ITSN2: variants seen among roughly 807,000 people sequenced by gnomAD.
ITSN2 encodes the protein intersectin 2, also known as intersectin-2.
A neutral mutation model predicts 243.7 loss-of-function variants in ITSN2; 156 were observed. That is an observed-to-expected ratio of 0.64 (90% CI 0.56 to 0.73). The LOEUF is 0.73. Ranked by LOEUF, ITSN2 falls within the 30% of genes least tolerant of loss-of-function variation. The pLI is 0.00. For synonymous variants in ITSN2, 703 were observed against 699.9 expected (o/e 1.00, Z -0.07); for missense variants, 1,801 against 1,996.1 (o/e 0.90, Z 1.86).
At chr2:24,333,200 T>C (rs915372960) in intron 1 of ITSN2, among the ~76,000 whole-genome samples, 3 of 152,198 alleles carry the variant, frequency 2.0e-5, no homozygotes, top group African/African-American at 7.2e-5. Flanking sequence ...CTTCCTCTCT[T>C]AAATGGAGAT....
In ITSN2 at chr2:24,300,492, C is replaced by T. The variant is rs372098917; in HGVS notation, c.1082-321G>A. Among the ~76,000 whole-genome samples, 37 of 152,160 alleles carry T rather than the reference C, an allele frequency of 2.4e-4. No homozygotes were observed. In the East Asian group the frequency reaches 6.2e-3, roughly 25 times the overall value. ...CAACACTTTGGGAGGCCAAGGTGGG[C>T]GGATCACCTGAGGTCAGCAGTTCAA... On this transcript the variant is annotated intron_variant, in intron 11 of 39. Coordinates refer to ENST00000355123, the MANE Select transcript of ITSN2 (RefSeq NM_006277.3).
At chr2:24,229,466 G>A (rs1205818006) in intron 29 of ITSN2, among the ~76,000 whole-genome samples, 1 of 152,100 alleles carries the variant, frequency 6.6e-6, no homozygotes, top group East Asian at 1.9e-4. Context: ...ACAGGCGCCT[G>A]TAATCCCAAC....
intron 23 of ITSN2, among the ~76,000 whole-genome samples, chr2:24,255,798 C>T (rs1674952560): frequency 6.6e-6 from 1 of 152,156 alleles, no homozygotes; most frequent in Non-Finnish European, 1.5e-5. Context: ...GCCTGTAATC[C>T]CAGCACTTTG....
At chr2:24,267,344 C>A (rs9309253) in intron 20 of ITSN2, among the ~76,000 whole-genome samples, 2 of 150,998 alleles carry the variant, frequency 1.3e-5, no homozygotes, top group East Asian at 1.9e-4. Flanking sequence ...TGTAACAAAC[C>A]TGCACGTTCT....
intron 24 of ITSN2, 52 bp from the exon 25 acceptor site, chr2:24,252,563 G>C (rs768386087): frequency 6.6e-6 from 9 of 1,366,958 alleles, no homozygotes; most frequent in Non-Finnish European, 9.1e-6. Flanking sequence ...GATTACAGAA[G>C]TGAAAAAGAA....
chr2:24,301,893 T>C, intron 10 of ITSN2, 72 bp downstream of exon 10: 1 of 1,375,880 alleles, frequency 7.3e-7, no homozygotes. Context: ...GCAGTGCAAA[T>C]ATTTAACTCT....
rs1254694422 is a variant in ITSN2 at position 24,245,167 on chromosome 2, A to G, written c.3577+962T>C. 3.3e-5 allele frequency among the ~76,000 whole-genome samples: 5 copies of G among 152,192 alleles called. No homozygotes were observed. In the East Asian group the frequency reaches 7.7e-4, roughly 23 times the overall value. ...ATTACTAATGCTATATTTACTGTCA[A>G]CCAAAAGAACGGCTAGATAAATACA... On this transcript the variant is annotated intron_variant, in intron 29 of 39. Coordinates refer to ENST00000355123, the MANE Select transcript of ITSN2 (RefSeq NM_006277.3).
In ITSN2 at chr2:24,328,062, T is replaced by A; in HGVS notation, c.21A>T (p.Thr7=). 2.5e-6 allele frequency: 4 copies of A among 1,613,822 alleles called. No homozygotes were observed. Among genetic ancestry groups the A allele is most frequent in the Non-Finnish European group, 3.4e-6 (4 of 1,179,904 alleles). ...CACAAAGCTGCTTACCATTCATAGC[T>A]GTGGGAAACTGAGCCATCATGGTCC... MMAQFP[T]AMNGGPNMWA... The change falls in exon 2 of 40, where the codon ACA becomes ACT. Residue 7 remains threonine, a synonymous_variant. Transcript: ENST00000355123.
chr2:24,317,498 T>C (rs181549912), intron 2 of ITSN2, among the ~76,000 whole-genome samples: 1 of 152,330 alleles, frequency 6.6e-6, no homozygotes, highest in East Asian at 1.9e-4. Context: ...AAGCTGCAAG[T>C]TGCTGGTGTT....
At chr2:24,266,220 C>G (rs1676641984) in intron 20 of ITSN2, among the ~76,000 whole-genome samples, 1 of 152,128 alleles carries the variant, frequency 6.6e-6, no homozygotes, top group Admixed American at 6.5e-5. Flanking sequence ...TGAAATTTAT[C>G]ATGTTATATT....
chr2:24,329,684 T>C (rs529573327), intron 1 of ITSN2, among the ~76,000 whole-genome samples: 96 of 152,292 alleles, frequency 6.3e-4, no homozygotes, highest in Non-Finnish European at 1.1e-3. Context: ...ACTACTATAT[T>C]AAAAGATCAT....
intron 34 of ITSN2, chr2:24,210,441 A>G (rs1326099334): frequency 1.4e-5 from 4 of 286,118 alleles, no homozygotes; most frequent in Non-Finnish European, 2.6e-5. Flanking sequence ...GTGAAACCCC[A>G]GCTCTACTAA....
In ITSN2 at chr2:24,211,342, T is replaced by G. The variant is rs1401002772; in HGVS notation, c.4090-395A>C. Reference sequence around the variant, plus strand: ...GTGTGAACTTGCTGAATAGCAATGGTTCATAACAATTTTGGGGTCACTGAT... The same window carrying G: ...GTGTGAACTTGCTGAATAGCAATGGGTCATAACAATTTTGGGGTCACTGAT... On this transcript the variant is annotated intron_variant, in intron 33 of 39. Coordinates refer to ENST00000355123, the MANE Select transcript of ITSN2 (RefSeq NM_006277.3). The surrounding 1 kb of genome is among the most constrained non-coding windows in gnomAD (Gnocchi z 4.1). Among the ~76,000 whole-genome samples, 1 of 152,176 alleles carries G rather than the reference T, an allele frequency of 6.6e-6. No homozygotes were observed. Among genetic ancestry groups the G allele is most frequent in the African/African-American group, 2.4e-5 (1 of 41,426 alleles).
At position 24,337,331 on chromosome 2, in the gene ITSN2, T is replaced by TATATATATATATAC. The variant is rs1686529270; in HGVS notation, c.-33-9217_-33-9216insGTATATATATATAT. On this transcript the variant is annotated intron_variant, in intron 1 of 39. Transcript: ENST00000355123. The stretch of plus-strand genomic sequence containing the variant: ...TATACACAAAATATATATATATATA[T>TATATATATATATAC]ATATATATATATATATATATATGTA... Among the ~76,000 whole-genome samples, 2 of 3,054 alleles carry TATATATATATATAC rather than the reference T, an allele frequency of 6.5e-4. 1 individual carries two copies. The highest frequency in any genetic ancestry group is 2.0e-3 in the African/African-American group (2 of 1,014). 2.0% of individuals were successfully genotyped at this position (3,054 alleles called of 152,430 possible). A position where few individuals can be genotyped will look rare whatever the true frequency, so the allele number is the denominator to read the frequency against.
chr2:24,205,057 G>C (rs374327067), intron 38 of ITSN2, among the ~76,000 whole-genome samples, 157 bp downstream of exon 38: 1 of 152,134 alleles, frequency 6.6e-6, no homozygotes, highest in African/African-American at 2.4e-5. Context: ...TAAGCCTTGA[G>C]AATCACTTGT....
At position 24,260,462 on chromosome 2, in the gene ITSN2, GA is replaced by G. The variant is rs1164336060; in HGVS notation, c.2682+643del. Among the ~76,000 whole-genome samples, 774 of 86,636 alleles carry G rather than the reference GA, an allele frequency of 8.9e-3. 4 individuals carry two copies. Among genetic ancestry groups the G allele is most frequent in the African/African-American group, 0.024 (555 of 23,300 alleles). The allele number at this position is 86,636 out of a possible 152,430, so 56.8% of individuals were successfully genotyped here. ...TTCTAACGTTCCCAAATAACTTTAAGAAAAAAAAAAAAAAACCGTCAAGCCC... is the reference window on the plus strand; with the variant it reads ...TTCTAACGTTCCCAAATAACTTTAAGAAAAAAAAAAAAAACCGTCAAGCCC... On this transcript the variant is annotated intron_variant, in intron 22 of 39. Transcript: ENST00000355123.
At chr2:24,216,748 C>A (rs1669990669) in intron 31 of ITSN2, among the ~76,000 whole-genome samples, 1 of 151,340 alleles carries the variant, frequency 6.6e-6, no homozygotes, top group Non-Finnish European at 1.5e-5. Flanking sequence ...CAGAGTGAGA[C>A]CTTGCCTCTA....
chr2:24,341,886 G>A (rs1296798453), intron 1 of ITSN2, among the ~76,000 whole-genome samples: 1 of 152,072 alleles, frequency 6.6e-6, no homozygotes, highest in African/African-American at 2.4e-5. Context: ...TAAGATTTAA[G>A]AAAGGGAGGC....
chr2:24,300,130 T>C lies in ITSN2; in HGVS notation c.1123A>G (p.Asn375Asp), dbSNP rs1223136831. 6.2e-7 allele frequency: 1 copy of C among 1,614,070 alleles called. No individual in the cohort carries two copies. The highest frequency in any genetic ancestry group is 2.2e-5 in the East Asian group (1 of 44,896). The change falls in exon 12 of 40, where the codon AAC becomes GAC. Residue 375 changes from asparagine to aspartate, a missense_variant. Transcript: ENST00000355123. Reference sequence around the variant, plus strand: ...TGGCGTCGCTTTTCCAGCTCCATGTTCCCTCGCTCATAGTTGGCTTTCCGT... The same window carrying C: ...TGGCGTCGCTTTTCCAGCTCCATGTCCCCTCGCTCATAGTTGGCTTTCCGT... ...DKRKANYERG[N>D]MELEKRRQAL...
Sources: allele counts gnomAD v4.1 joint callset (sites outside exome capture counted in the v4.1 genomes callset), GRCh38; gene constraint gnomAD v4.1.1; non-coding constraint Gnocchi (gnomAD v3.1); transcripts MANE v1.5; gene names NCBI Gene and HGNC (gene_info 2026-07-23, HGNC 2026-07-21).